Variants in PTPRD observed in about 807,000 individuals in gnomAD.
PTPRD encodes the protein receptor-type tyrosine-protein phosphatase delta.
A neutral mutation model predicts 214.5 loss-of-function variants in PTPRD; 34 were observed. The observed-to-expected ratio is 0.16, with a 90% confidence interval of 0.12 to 0.21. PTPRD has a LOEUF of 0.21. Ranked by LOEUF, PTPRD falls within the 10% of genes least tolerant of loss-of-function variation. The pLI is 1.00. For missense variants in PTPRD, 2,545 were observed against 2,398.7 expected (o/e 1.06, Z -1.27); for synonymous variants, 1,128 against 845.7 (o/e 1.33, Z -5.79).
intron 5 of PTPRD, among the ~76,000 whole-genome samples, chr9:9,812,562 T>G (rs2047464126): frequency 1.8e-5 from 2 of 110,754 alleles, no homozygotes; most frequent in Admixed American, 7.7e-5. Flanking sequence ...TCAAAATCTG[T>G]CACAAAAAAA....
intron 9 of PTPRD, among the ~76,000 whole-genome samples, chr9:9,328,430 A>G (rs1174805436): frequency 1.3e-5 from 2 of 151,956 alleles, no homozygotes; most frequent in African/African-American, 2.4e-5. Context: ...AAAAGAAAAT[A>G]TTTCCATTCC....
At chr9:9,843,908 G>A (rs1012770986) in intron 5 of PTPRD, among the ~76,000 whole-genome samples, 2 of 151,938 alleles carry the variant, frequency 1.3e-5, no homozygotes, top group African/African-American at 4.8e-5. Context: ...TGACAACATG[G>A]CTCAGTTTGT....
chr9:8,317,472 G>T lies in PTPRD; in HGVS notation c.*402C>A, dbSNP rs939009928. Reference sequence around the variant, plus strand: ...AAGGGGCGATGTCAAAGCAGAGTCCGTTTCATTGTGAGAAGCCACACCAGC... The same window carrying T: ...AAGGGGCGATGTCAAAGCAGAGTCCTTTTCATTGTGAGAAGCCACACCAGC... On this transcript the variant is annotated 3_prime_UTR_variant, in exon 46 of 46. Coordinates refer to ENST00000381196, the MANE Select transcript of PTPRD (RefSeq NM_002839.4). The T allele has an allele frequency of 4.1e-6, 1 of 243,148 alleles. No individual in the cohort carries two copies. The highest frequency in any genetic ancestry group is 5.7e-5 in the East Asian group (1 of 17,542). The allele number at this position is 243,148 out of a possible 1,614,324, so 15.1% of individuals were successfully genotyped here.
At chr9:10,223,706 T>TAATAAG (rs1554887126) in intron 3 of PTPRD, among the ~76,000 whole-genome samples, 1 of 145,196 alleles carries the variant, frequency 6.9e-6, no homozygotes. Context: ...ATAATAATAA[T>TAATAAG]AATAATAAAG....
At chr9:9,650,251 T>G (rs968521326) in intron 7 of PTPRD, among the ~76,000 whole-genome samples, 1 of 152,204 alleles carries the variant, frequency 6.6e-6, no homozygotes, top group Admixed American at 6.5e-5. Context: ...ATAAGCTTCC[T>G]GAGGCCTCCC....
intron 11 of PTPRD, among the ~76,000 whole-genome samples, chr9:8,778,724 G>T (rs67314141): frequency 1.3e-5 from 2 of 151,896 alleles, no homozygotes; most frequent in Non-Finnish European, 2.9e-5. Context: ...GAAACTAGGA[G>T]GCCATGGAGT....
rs557432641 is a variant in PTPRD at position 9,207,174 on chromosome 9, G to C, written c.-202-23811C>G. 1.7e-3 allele frequency among the ~76,000 whole-genome samples: 266 copies of C among 152,266 alleles called. 1 individual carries two copies. The highest frequency in any genetic ancestry group is 3.4e-3 in the Non-Finnish European group (232 of 68,024). On this transcript the variant is annotated intron_variant, in intron 9 of 45. Coordinates refer to ENST00000381196, the MANE Select transcript of PTPRD (RefSeq NM_002839.4). ...TTGGTCTCAAAAACCTAGAATGATG[G>C]ACTTGCTGTAACTGAGTAGGGGGAA...
intron 10 of PTPRD, among the ~76,000 whole-genome samples, chr9:9,172,771 T>C (rs2099922255): frequency 6.6e-6 from 1 of 152,092 alleles, no homozygotes; most frequent in African/African-American, 2.4e-5. Context: ...AATTTAACCA[T>C]TTCTCTGACT....
chr9:8,434,342 T>G (rs2095251870), intron 35 of PTPRD, among the ~76,000 whole-genome samples: 1 of 152,206 alleles, frequency 6.6e-6, no homozygotes, highest in Non-Finnish European at 1.5e-5. Flanking sequence ...CACAAATAGT[T>G]GGGTATAGTA....
chr9:9,407,898 G>C (rs986171248), intron 8 of PTPRD, among the ~76,000 whole-genome samples: 18 of 151,712 alleles, frequency 1.2e-4, no homozygotes, highest in African/African-American at 4.1e-4. Flanking sequence ...ATTTTGGTTA[G>C]ATATAAGGAA....
chr9:9,285,595 T>C (rs1243220668), intron 9 of PTPRD, among the ~76,000 whole-genome samples: 5 of 151,804 alleles, frequency 3.3e-5, no homozygotes, highest in Non-Finnish European at 5.9e-5. Flanking sequence ...CCACCTCATC[T>C]CTTTCTAAAG....
chr9:8,821,318 C>A (rs1416194138), intron 11 of PTPRD, among the ~76,000 whole-genome samples: 1 of 152,174 alleles, frequency 6.6e-6, no homozygotes, highest in African/African-American at 2.4e-5. Context: ...ATGGTAAGCT[C>A]ATGGCTTCTT....
In PTPRD at chr9:8,436,311, T is replaced by C. The variant is rs10977100; in HGVS notation, c.4086+281A>G. ...TAATAATGCATAATATGTAAATATA[T>C]ACAATTATTGCCAATTAAAAATAAA... On this transcript the variant is annotated intron_variant, in intron 35 of 45. Transcript: ENST00000381196. 4.0e-5 allele frequency among the ~76,000 whole-genome samples: 6 copies of C among 150,324 alleles called. No homozygotes were observed. In the East Asian group the frequency reaches 1.2e-3, roughly 29 times the overall value.
At chr9:8,632,273 C>T (rs2154318119) in intron 14 of PTPRD, among the ~76,000 whole-genome samples, 1 of 151,658 alleles carries the variant, frequency 6.6e-6, no homozygotes, top group African/African-American at 2.4e-5. Flanking sequence ...TTGAAAGAAA[C>T]CAAGATGTTT....
intron 14 of PTPRD, among the ~76,000 whole-genome samples, chr9:8,559,800 G>T (rs2085441156): frequency 6.6e-6 from 1 of 152,214 alleles, no homozygotes; most frequent in South Asian, 2.1e-4. Flanking sequence ...CCCATGAGAA[G>T]TCAGCTTCAA....
chr9:9,179,779 G>A (rs991074985), intron 10 of PTPRD, among the ~76,000 whole-genome samples: 3 of 151,942 alleles, frequency 2.0e-5, no homozygotes, highest in African/African-American at 7.2e-5. Flanking sequence ...AATAATGAAT[G>A]AGGTCTCTGA....
rs762457203 is a variant in PTPRD at position 8,341,943 on chromosome 9, A to G, written c.4697T>C (p.Ile1566Thr). ...GVGRTGCFIV[I>T]DAMLERIKHE... is the part of the protein sequence containing the mutation. Reference sequence around the variant, plus strand: ...CTTTATTCTTTCTAACATGGCATCTATGACGATGAAGCAACCAGTCCGGCC... The same window carrying G: ...CTTTATTCTTTCTAACATGGCATCTGTGACGATGAAGCAACCAGTCCGGCC... Residue 1566 changes from isoleucine to threonine, a missense_variant, in exon 40 of 46, where the codon ATA becomes ACA. Physicochemically the swap from Ile to Thr is moderately conservative, Grantham distance 89. Transcript: ENST00000381196. The G allele has an allele frequency of 6.2e-7, 1 of 1,612,700 alleles. No individual in the cohort carries two copies. Among genetic ancestry groups the G allele is most frequent in the Admixed American group, 1.7e-5 (1 of 59,782 alleles).
intron 7 of PTPRD, among the ~76,000 whole-genome samples, chr9:9,603,014 A>G (rs1412780142): frequency 6.6e-6 from 1 of 151,658 alleles, no homozygotes; most frequent in Non-Finnish European, 1.5e-5. Flanking sequence ...CTAGTAAAAG[A>G]GTAAGAAAAA....
chr9:9,587,612 G>T (rs186787660), intron 7 of PTPRD, among the ~76,000 whole-genome samples: 1 of 151,990 alleles, frequency 6.6e-6, no homozygotes, highest in Admixed American at 6.6e-5. Flanking sequence ...ACATCATAAA[G>T]GCTGGGGGTC....
Sources: allele counts gnomAD v4.1 joint callset (sites outside exome capture counted in the v4.1 genomes callset), GRCh38; gene constraint gnomAD v4.1.1; transcripts MANE v1.5; gene names NCBI Gene and HGNC (gene_info 2026-07-23, HGNC 2026-07-21).